The following AOAH variants were observed in gnomAD, a reference collection of about 807,000 sequenced individuals.
AOAH encodes acyloxyacyl hydrolase, also known as acyloxyacyl hydrolase (neutrophil).
In AOAH, 64 loss-of-function variants were observed where a neutral mutation model predicts 92.2. The ratio of observed to expected loss-of-function variants is 0.69; its 90% CI spans 0.57 to 0.86. The LOEUF is 0.86. Among genes scored for constraint, AOAH ranks in the 40% least tolerant of loss-of-function variants. The pLI is 0.00. For synonymous variants in AOAH, 263 were observed against 254.5 expected, an observed-to-expected ratio of 1.03 and a Z score of -0.32; for missense variants, 656 against 694.6, an observed-to-expected ratio of 0.94 and a Z score of 0.62.
chr7:36,536,471 A>T (rs1323942836), intron 16 of AOAH, among the ~76,000 whole-genome samples: 1 of 151,962 alleles, frequency 6.6e-6, no homozygotes, highest in African/African-American at 2.4e-5. Flanking sequence ...CTAAGATGAG[A>T]TCTACAGTGG....
At chr7:36,526,858 T>C (rs1784420476) in intron 19 of AOAH, among the ~76,000 whole-genome samples, 3 of 152,262 alleles carry the variant, frequency 2.0e-5, no homozygotes, top group Admixed American at 2.0e-4. Context: ...GGCTGCTTTC[T>C]GGCCAGCCCC....
chr7:36,686,540 TG>T (rs1277543242), intron 2 of AOAH, among the ~76,000 whole-genome samples, 158 bp downstream of exon 2: 2 of 151,068 alleles, frequency 1.3e-5, no homozygotes, highest in Non-Finnish European at 2.9e-5. Flanking sequence ...CATTTTTTTT[TG>T]GTTTTAATTT....
chr7:36,580,013 C>G (rs1008469345), intron 12 of AOAH, among the ~76,000 whole-genome samples: 1 of 152,180 alleles, frequency 6.6e-6, no homozygotes, highest in African/African-American at 2.4e-5. Context: ...GTGTCTTGAT[C>G]TTTTGAAAGC....
intron 4 of AOAH, among the ~76,000 whole-genome samples, chr7:36,639,012 C>G (rs1288061567): frequency 6.6e-6 from 1 of 152,188 alleles, no homozygotes; most frequent in Non-Finnish European, 1.5e-5. Context: ...ATAGTCCCAC[C>G]CAGTGGGCAT....
In AOAH at chr7:36,721,102, G is replaced by A. The variant is rs368185261; in HGVS notation, c.127+2920C>T. On this transcript the variant is annotated intron_variant, in intron 1 of 20. Coordinates refer to ENST00000617537, the MANE Select transcript of AOAH (RefSeq NM_001637.4). ...CAGGATCCCGTATCAGGAGACACTC[G>A]CTCCCCAGCTTCTGGAGCCATTGGT... 1.4e-4 allele frequency among the ~76,000 whole-genome samples: 22 copies of A among 152,140 alleles called. No individual in the cohort carries two copies. The East Asian group carries it at 2.5e-3, about 17-fold the overall frequency.
chr7:36,713,312 AC>A (rs139542260), intron 1 of AOAH, among the ~76,000 whole-genome samples: 88,734 of 151,670 alleles, frequency 0.59, 26,327 homozygotes, highest in East Asian at 0.83. Context: ...ATACAGGAGC[AC>A]CCAGATTCAT....
rs183645533 is a variant in AOAH, at chr7:36,549,577, G to A, written c.1022-102C>T. ...CTGAACTCATGAAAGCGGCATTACT[G>A]TTCGGGCAAAGGTTGTTCTGACCAA... On this transcript the variant is annotated intron_variant, in intron 13 of 20. Transcript: ENST00000617537. The A allele has an allele frequency of 7.4e-4, 594 of 800,760 alleles. 1 individual carries two copies. Among genetic ancestry groups the A allele is most frequent in the Non-Finnish European group, 1.1e-3 (545 of 482,948 alleles). The allele number at this position is 800,760 out of a possible 1,614,324, so 49.6% of individuals were successfully genotyped here. A position where few individuals can be genotyped will look rare whatever the true frequency, so the allele number is the denominator to read the frequency against.
chr7:36,524,711 A>C (rs1784308566), intron 19 of AOAH, among the ~76,000 whole-genome samples: 1 of 151,644 alleles, frequency 6.6e-6, no homozygotes, highest in African/African-American at 2.4e-5. Context: ...TAAATCAAAT[A>C]AAATGCACCC....
chr7:36,670,832 G>A (rs145126847), intron 3 of AOAH, among the ~76,000 whole-genome samples: 54 of 144,166 alleles, frequency 3.7e-4, no homozygotes, highest in African/African-American at 1.3e-3. Flanking sequence ...CAGTTCACAT[G>A]CTGTACAGTT....
intron 3 of AOAH, among the ~76,000 whole-genome samples, chr7:36,661,726 T>C (rs963698378): frequency 2.6e-5 from 4 of 152,138 alleles, no homozygotes; most frequent in Non-Finnish European, 5.9e-5. Flanking sequence ...ACTCCTGGGT[T>C]AGAATTGGAG....
At chr7:36,626,527 A>T (rs1007636038) in intron 6 of AOAH, among the ~76,000 whole-genome samples, 1 of 152,190 alleles carries the variant, frequency 6.6e-6, no homozygotes. Context: ...CAGCCCACTA[A>T]TCAAAATTTT....
At position 36,659,722 on chromosome 7, in the gene AOAH, C is replaced by T. The variant is rs1008878800; in HGVS notation, c.291-457G>A. ...TTAGGCACAATCCAAACAATCTATT[C>T]TATTCCCTTATAAACATATTTCTTT... On this transcript the variant is annotated intron_variant, in intron 3 of 20. Transcript: ENST00000617537. Among the ~76,000 whole-genome samples the T allele has an allele frequency of 1.1e-4, 17 of 150,754 alleles. No homozygotes were observed. In the East Asian group the frequency reaches 1.2e-3, roughly 10 times the overall value.
At chr7:36,715,306 T>C (rs1554326737) in intron 1 of AOAH, among the ~76,000 whole-genome samples, 1 of 152,136 alleles carries the variant, frequency 6.6e-6, no homozygotes, top group Non-Finnish European at 1.5e-5. Context: ...TACAAACCAC[T>C]GCTCAATGAA....
chr7:36,529,599 G>A (rs1355565314), intron 19 of AOAH, among the ~76,000 whole-genome samples: 1 of 152,126 alleles, frequency 6.6e-6, no homozygotes, highest in Non-Finnish European at 1.5e-5. Flanking sequence ...GGGGGTGGGG[G>A]ACAGAGATGA....
intron 11 of AOAH, among the ~76,000 whole-genome samples, chr7:36,615,998 C>T (rs1271638958): frequency 3.9e-5 from 6 of 152,128 alleles, no homozygotes; most frequent in African/African-American, 9.7e-5. Context: ...CATCAGGAGC[C>T]GAGCAGCCTG....
chr7:36,608,049 C>T (rs1791135770), intron 11 of AOAH, among the ~76,000 whole-genome samples: 1 of 152,230 alleles, frequency 6.6e-6, no homozygotes, highest in African/African-American at 2.4e-5. Flanking sequence ...CCATCCTCTG[C>T]AGGATGTCCA....
chr7:36,670,658 G>C (rs955455177), intron 3 of AOAH, among the ~76,000 whole-genome samples: 1 of 152,058 alleles, frequency 6.6e-6, no homozygotes, highest in Non-Finnish European at 1.5e-5. Context: ...TTGTATTTTA[G>C]TAGAGACAGG....
chr7:36,565,846 T>G (rs1787670421), intron 13 of AOAH, among the ~76,000 whole-genome samples: 1 of 152,154 alleles, frequency 6.6e-6, no homozygotes. Flanking sequence ...TGGCCAAATG[T>G]GAACATCTTC....
At chr7:36,607,172 T>G (rs1009162652) in intron 11 of AOAH, among the ~76,000 whole-genome samples, 1 of 152,126 alleles carries the variant, frequency 6.6e-6, no homozygotes, top group Non-Finnish European at 1.5e-5. Flanking sequence ...CGAATACAGC[T>G]GGGATGGGGT....
Sources: allele counts gnomAD v4.1 joint callset (sites outside exome capture counted in the v4.1 genomes callset), GRCh38; gene constraint gnomAD v4.1.1; transcripts MANE v1.5; gene names NCBI Gene and HGNC (gene_info 2026-07-23, HGNC 2026-07-21).